Variants in PIWIL3 observed in about 807,000 individuals in gnomAD.
PIWIL3 encodes piwi like RNA-mediated gene silencing 3.
PIWIL3 carries 101 observed loss-of-function variants against 109.7 expected under a neutral mutation model. The ratio of observed to expected loss-of-function variants is 0.92; its 90% CI spans 0.78 to 1.09. The LOEUF is 1.09. PIWIL3 is among the 50% of genes least tolerant of loss of function. The pLI is 0.00. For missense variants in PIWIL3, 1,031 were observed against 1,072.6 expected, an observed-to-expected ratio of 0.96 and a Z score of 0.54; for synonymous variants, 373 against 376.4, an observed-to-expected ratio of 0.99 and a Z score of 0.10.
intron 2 of PIWIL3, chr22:24,762,033 A>G: frequency 1.0e-6 from 1 of 993,394 alleles, no homozygotes; most frequent in Non-Finnish European, 1.2e-6. Flanking sequence ...AGTTTTCAAC[A>G]AGGCTGGAAA....
intron 12 of PIWIL3, among the ~76,000 whole-genome samples, chr22:24,747,579 A>G (rs1380733266): frequency 6.6e-6 from 1 of 152,206 alleles, no homozygotes; most frequent in Non-Finnish European, 1.5e-5. Flanking sequence ...CCAAAATCTA[A>G]GGAAAGCAAA....
intron 12 of PIWIL3, among the ~76,000 whole-genome samples, chr22:24,737,263 C>T (rs541014467): frequency 8.9e-4 from 136 of 152,288 alleles, no homozygotes; most frequent in Non-Finnish European, 1.6e-3. Flanking sequence ...TACAGTAGGA[C>T]AGGACAACAG....
chr22:24,731,910 A>G (rs532258268), intron 14 of PIWIL3, among the ~76,000 whole-genome samples: 3 of 152,188 alleles, frequency 2.0e-5, no homozygotes, highest in South Asian at 4.1e-4. Flanking sequence ...CATTTCCTCT[A>G]TTTCTGCCTT....
intron 19 of PIWIL3, among the ~76,000 whole-genome samples, chr22:24,721,186 T>G (rs1922655101): frequency 6.6e-6 from 1 of 152,220 alleles, no homozygotes; most frequent in African/African-American, 2.4e-5. Flanking sequence ...CCTTGATAAG[T>G]TAGCCGGGTA....
rs541672923 is a variant in PIWIL3, at chr22:24,756,167, TAAG to T, written c.571-265_571-263del. Among the ~76,000 whole-genome samples the T allele has an allele frequency of 2.4e-4, 36 of 152,120 alleles. No homozygotes were observed. The East Asian group carries it at 6.2e-3, about 26-fold the overall frequency. On this transcript the variant is annotated intron_variant, in intron 5 of 20. Transcript: ENST00000616349. ...TAATATAAAAATTTAAAGAAGAAAA[TAAG>T]TTCTCTAACTTGTTTTCTGCTAGGA...
chr22:24,762,193 T>C, intron 2 of PIWIL3: 1 of 1,002,310 alleles, frequency 1.0e-6, no homozygotes, highest in Non-Finnish European at 1.3e-6. Context: ...CATGTGAAAA[T>C]GTGAGAAGGA....
Position 24,727,975 on chromosome 22 carries a change from C to G in PIWIL3, c.1984G>C (p.Ala662Pro), listed in dbSNP as rs746674948. 1.2e-6 allele frequency: 2 copies of G among 1,613,484 alleles called. No individual in the cohort carries two copies. Among genetic ancestry groups the G allele is most frequent in the South Asian group, 2.2e-5 (2 of 91,050 alleles). Residue 662 changes from alanine (A) to proline (P), a missense_variant, in exon 16 of 21, where the codon GCA becomes CCA. By Grantham distance (27) the Ala-to-Pro change is conservative. Transcript: ENST00000616349. Reference sequence around the variant, plus strand: ...TTTGTTAATTCAGCATTGGTACTTGCAACAAATCCTGCTATTGATTTCTGT... The same window carrying G: ...TTTGTTAATTCAGCATTGGTACTTGGAACAAATCCTGCTATTGATTTCTGT... ...NRQKSIAGFV[A>P]STNAELTKWY...
At chr22:24,742,573 A>C (rs1569103011) in intron 12 of PIWIL3, among the ~76,000 whole-genome samples, 1 of 152,254 alleles carries the variant, frequency 6.6e-6, no homozygotes, top group Non-Finnish European at 1.5e-5. Flanking sequence ...AATGGAACAG[A>C]ATAGAGAACC....
At chr22:24,763,609 T>C (rs1925588535) in intron 1 of PIWIL3, among the ~76,000 whole-genome samples, 1 of 152,084 alleles carries the variant, frequency 6.6e-6, no homozygotes, top group African/African-American at 2.4e-5. Flanking sequence ...CAAACTTCTC[T>C]AGAAATTTAA....
In PIWIL3 at chr22:24,725,458, C is replaced by A. The variant is rs1182428338; in HGVS notation, c.2067G>T (p.Glu689Asp). ...KTGEELVKEL[E>D]ICLKAALDVW... ...CAAGACACTGACCTTTCAAGCAGAT[C>A]TCCAGCTCTTTCACAAGCTCTTCTC... Residue 689 changes from glutamate (E) to aspartate (D), a missense_variant, in exon 17 of 21, where the codon GAG becomes GAT. Coordinates refer to ENST00000616349, the MANE Select transcript of PIWIL3 (RefSeq NM_001255975.1). 11 of 1,613,854 alleles carry A rather than the reference C, an allele frequency of 6.8e-6. No individual in the cohort carries two copies. The highest frequency in any genetic ancestry group is 1.7e-5 in the Admixed American group (1 of 60,012).
intron 8 of PIWIL3, among the ~76,000 whole-genome samples, chr22:24,751,786 G>T (rs183140298): frequency 6.6e-6 from 1 of 152,128 alleles, no homozygotes; most frequent in Non-Finnish European, 1.5e-5. Flanking sequence ...AGCCTACTTC[G>T]TGTCTCAACA....
intron 17 of PIWIL3, 90 bp from the exon 18 acceptor site, chr22:24,725,127 C>A: frequency 6.7e-7 from 1 of 1,482,518 alleles, no homozygotes; most frequent in Non-Finnish European, 9.2e-7. Context: ...CATCTTTCAA[C>A]ACTGCAGCTT....
chr22:24,735,942 C>A (rs764391340), intron 12 of PIWIL3, 50 bp from the exon 13 acceptor site: 2 of 1,432,268 alleles, frequency 1.4e-6, no homozygotes, highest in East Asian at 2.3e-5. Context: ...TAAAGATCAA[C>A]TTATCTGAGA....
chr22:24,747,119 A>G (rs1357860454), intron 12 of PIWIL3, among the ~76,000 whole-genome samples: 2 of 152,198 alleles, frequency 1.3e-5, no homozygotes, highest in African/African-American at 4.8e-5. Context: ...TGGTACTGGC[A>G]TAAAAACAGA....
chr22:24,736,720 C>A (rs1923680080), intron 12 of PIWIL3, among the ~76,000 whole-genome samples: 1 of 152,200 alleles, frequency 6.6e-6, no homozygotes, highest in Non-Finnish European at 1.5e-5. Flanking sequence ...CTGACGTCAC[C>A]CTTCTCCCAC....
rs1569095667 is a variant in PIWIL3, at chr22:24,724,796, TC to T, written c.2231+90del. On this transcript the variant is annotated intron_variant, in intron 18 of 20. Coordinates refer to ENST00000616349, the MANE Select transcript of PIWIL3 (RefSeq NM_001255975.1). ...TATGTTGCCCAAGCTGGTCTTGAAC[TC>T]CTGGGCTCAAGGGATCTGCCCACCT... The T allele has an allele frequency of 4.3e-6, 6 of 1,396,938 alleles. No homozygotes were observed. In the East Asian group the frequency reaches 1.2e-4, roughly 29 times the overall value. 86.5% of individuals were successfully genotyped at this position (1,396,938 alleles called of 1,614,324 possible). A position where few individuals can be genotyped will look rare whatever the true frequency, so the allele number is the denominator to read the frequency against.
At chr22:24,746,130 CAAGAA>C (rs1191841547) in intron 12 of PIWIL3, among the ~76,000 whole-genome samples, 2 of 152,060 alleles carry the variant, frequency 1.3e-5, no homozygotes, top group Non-Finnish European at 2.9e-5. Flanking sequence ...AAAGACACAT[CAAGAA>C]AAGAAAACTA....
At chr22:24,763,696 A>C (rs1925594425) in intron 1 of PIWIL3, among the ~76,000 whole-genome samples, 1 of 152,132 alleles carries the variant, frequency 6.6e-6, no homozygotes, top group Admixed American at 6.5e-5. Flanking sequence ...GAGTCAGTTG[A>C]GTACTGGGTT....
chr22:24,774,110 G>A (rs1454572812), intron 1 of PIWIL3, among the ~76,000 whole-genome samples: 2 of 152,066 alleles, frequency 1.3e-5, no homozygotes, highest in Admixed American at 6.6e-5. Context: ...ACCTCAAACC[G>A]CATTTTAAAA....
Sources: gnomAD v4.1 joint callset for allele counts (sites outside exome capture counted in the v4.1 genomes callset) on GRCh38, gnomAD v4.1.1 for gene constraint, MANE v1.5 for transcripts, NCBI Gene and HGNC (gene_info 2026-07-23, HGNC 2026-07-21) for gene names.